GKAP1: variants seen among roughly 807,000 people sequenced by gnomAD.
GKAP1 encodes the protein G kinase anchoring protein 1, also known as G kinase-anchoring protein 1.
In GKAP1, 31 loss-of-function variants were observed where a neutral mutation model predicts 56.7. The ratio of observed to expected loss-of-function variants is 0.55; its 90% confidence interval spans 0.41 to 0.74. The LOEUF is 0.74. Ranked by LOEUF, GKAP1 falls within the 30% of genes least tolerant of loss-of-function variation. GKAP1 has a pLI of 0.00. For synonymous variants in GKAP1, 151 were observed against 138.6 expected, an observed-to-expected ratio of 1.09 and a Z score of -0.63; for missense variants, 364 against 402.3, an observed-to-expected ratio of 0.90 and a Z score of 0.82.
At chr9:83,804,611 A>G (rs1406897673) in intron 3 of GKAP1, among the ~76,000 whole-genome samples, 3 of 98,968 alleles carry the variant, frequency 3.0e-5, no homozygotes, top group Admixed American at 2.0e-4. Flanking sequence ...CGCCCCATCC[A>G]GGAGGGAGGT....
In GKAP1 at chr9:83,780,964, C is replaced by T. The variant is rs75893876; in HGVS notation, c.563-560G>A. 6.6e-5 allele frequency among the ~76,000 whole-genome samples: 10 copies of T among 152,054 alleles called. No individual in the cohort carries two copies. In the East Asian group the frequency reaches 1.9e-3, roughly 29 times the overall value. On this transcript the variant is annotated intron_variant, in intron 6 of 12. Transcript: ENST00000376371. ...TATAGACTTAACATAAAAAATAACC[C>T]ATAACAAATACATCTAGATGAAACA...
intron 8 of GKAP1, among the ~76,000 whole-genome samples, chr9:83,756,673 CT>C (rs1409907333): frequency 6.6e-6 from 1 of 152,028 alleles, no homozygotes; most frequent in Non-Finnish European, 1.5e-5. Context: ...GGTCATTTTT[CT>C]CCCACTACAT....
chr9:83,751,639 C>T (rs1297563871), intron 9 of GKAP1, among the ~76,000 whole-genome samples: 1 of 151,452 alleles, frequency 6.6e-6, no homozygotes, highest in African/African-American at 2.4e-5. Context: ...TTCACTACCA[C>T]ATACACAGGG....
At chr9:83,797,510 C>A (rs1172621084) in intron 4 of GKAP1, among the ~76,000 whole-genome samples, 2 of 152,106 alleles carry the variant, frequency 1.3e-5, no homozygotes, top group African/African-American at 4.8e-5. Flanking sequence ...GTGTAATTAT[C>A]CCAAGATCTA....
chr9:83,806,900 T>C (rs931020650), intron 2 of GKAP1, among the ~76,000 whole-genome samples: 7 of 152,282 alleles, frequency 4.6e-5, no homozygotes, highest in African/African-American at 1.7e-4. Flanking sequence ...TGGAAAAGAA[T>C]ATCATTTTTT....
At chr9:83,771,229 A>AT (rs1943754556) in intron 7 of GKAP1, among the ~76,000 whole-genome samples, 2 of 127,570 alleles carry the variant, frequency 1.6e-5, no homozygotes, top group African/African-American at 5.6e-5. Context: ...CTCCTGGCTA[A>AT]TTTTTTTGTT....
chr9:83,762,163 C>T (rs1285546383), intron 8 of GKAP1, among the ~76,000 whole-genome samples: 2 of 151,934 alleles, frequency 1.3e-5, no homozygotes, highest in African/African-American at 2.4e-5. Context: ...AACCTAAAGG[C>T]TCCACAAAAA....
At chr9:83,777,407 A>G (rs1408264674) in intron 7 of GKAP1, among the ~76,000 whole-genome samples, 1 of 152,218 alleles carries the variant, frequency 6.6e-6, no homozygotes, top group South Asian at 2.1e-4. Flanking sequence ...CTTCAGTCCA[A>G]CAGAAGAAAA....
intron 6 of GKAP1, among the ~76,000 whole-genome samples, chr9:83,780,905 G>A (rs934953992): frequency 6.6e-6 from 1 of 151,934 alleles, no homozygotes; most frequent in Non-Finnish European, 1.5e-5. Flanking sequence ...TGATTTAATA[G>A]CACTATTAAA....
At position 83,804,021 on chromosome 9, in the gene GKAP1, C is replaced by T. The variant is rs200810120; in HGVS notation, c.216+2281G>A. Among the ~76,000 whole-genome samples, 1,153 of 151,140 alleles carry T rather than the reference C, an allele frequency of 7.6e-3. 26 individuals carry two copies. The highest frequency in any genetic ancestry group is 0.034 in the East Asian group (173 of 5,028). ...GTGAGGAGACCCTCCGCCCAGCATC[C>T]GCCCCGTCTGAGAAGTAAGGAGCCC... On this transcript the variant is annotated intron_variant, in intron 3 of 12. Coordinates refer to ENST00000376371, the MANE Select transcript of GKAP1 (RefSeq NM_025211.4).
In GKAP1 at chr9:83,788,690, A is replaced by G. The variant is rs924259712; in HGVS notation, c.361-12T>C. The G allele has an allele frequency of 4.4e-6, 7 of 1,579,076 alleles. No homozygotes were observed. The Admixed American group carries it at 6.8e-5, about 15-fold the overall frequency. On this transcript the variant is annotated splice_polypyrimidine_tract_variant and intron_variant, in intron 4 of 12. Transcript: ENST00000376371. ...ATTTCAGATGTCAGCTACAAAAAAA[A>G]AGTTTCACAATAAACAGACAGTATC...
At chr9:83,744,939 T>C (rs1332152736) in intron 10 of GKAP1, among the ~76,000 whole-genome samples, 2 of 152,128 alleles carry the variant, frequency 1.3e-5, no homozygotes, top group African/African-American at 2.4e-5. Context: ...AACATGAGAA[T>C]AGCATGGGGG....
At chr9:83,769,012 C>T (rs369800604) in intron 7 of GKAP1, 42 bp from the exon 8 acceptor site, 17 of 1,519,284 alleles carry the variant, frequency 1.1e-5, no homozygotes, top group Admixed American at 1.7e-5. Flanking sequence ...TCAACATGCA[C>T]TGATATGCAT....
At chr9:83,746,471 G>A (rs1435944953) in intron 10 of GKAP1, among the ~76,000 whole-genome samples, 2 of 152,122 alleles carry the variant, frequency 1.3e-5, no homozygotes, top group African/African-American at 4.8e-5. Context: ...GGGAGGCCGA[G>A]GCGGGTGGAT....
intron 12 of GKAP1, 64 bp from the exon 13 acceptor site, chr9:83,739,808 T>C (rs1381283574): frequency 1.3e-5 from 18 of 1,342,860 alleles, no homozygotes; most frequent in Admixed American, 2.0e-5. Context: ...CCACTTCATT[T>C]AAAAAATATA....
chr9:83,795,542 G>A (rs1484082492), intron 4 of GKAP1, among the ~76,000 whole-genome samples: 2 of 149,268 alleles, frequency 1.3e-5, no homozygotes, highest in Non-Finnish European at 3.0e-5. Flanking sequence ...TTGCAGAAAG[G>A]ATAATGGTGG....
At chr9:83,809,222 T>C (rs1171207724) in intron 2 of GKAP1, among the ~76,000 whole-genome samples, 5 of 152,244 alleles carry the variant, frequency 3.3e-5, no homozygotes, top group Admixed American at 1.3e-4. Flanking sequence ...AGAAATTTTC[T>C]TTCTGTAGCA....
At chr9:83,757,845 GA>G (rs112784672) in intron 8 of GKAP1, among the ~76,000 whole-genome samples, 61 of 141,082 alleles carry the variant, frequency 4.3e-4, no homozygotes, top group Admixed American at 6.3e-4. Flanking sequence ...ACAGAAAAGT[GA>G]AAAAAAAAAA....
At chr9:83,750,294 T>C (rs1205728894) in intron 9 of GKAP1, among the ~76,000 whole-genome samples, 2 of 152,038 alleles carry the variant, frequency 1.3e-5, no homozygotes, top group Non-Finnish European at 2.9e-5. Context: ...CTTGCTAGCA[T>C]ATTTAATTTC....
Sources: gnomAD v4.1 joint callset for allele counts (sites outside exome capture counted in the v4.1 genomes callset) on GRCh38, gnomAD v4.1.1 for gene constraint, MANE v1.5 for transcripts, NCBI Gene and HGNC (gene_info 2026-07-23, HGNC 2026-07-21) for gene names.